The following LSAMP variants were observed in gnomAD, a reference collection of about 807,000 sequenced individuals.
The protein encoded by LSAMP is limbic system-associated membrane protein.
Under a neutral mutation model 38.6 loss-of-function variants are expected in LSAMP, and 7 were observed. The observed-to-expected ratio is 0.18, with a 90% CI of 0.10 to 0.34. LSAMP has a LOEUF of 0.34. Among genes scored for constraint, LSAMP ranks in the 10% least tolerant of loss-of-function variants. LSAMP has a pLI of 1.00. For missense variants in LSAMP, 313 were observed against 420.0 expected, an observed-to-expected ratio of 0.75 and a Z score of 2.23; for synonymous variants, 154 against 166.8, an observed-to-expected ratio of 0.92 and a Z score of 0.59.
At chr3:116,179,650 C>T (rs1364333993) in intron 1 of LSAMP, among the ~76,000 whole-genome samples, 1 of 151,950 alleles carries the variant, frequency 6.6e-6, no homozygotes, top group Non-Finnish European at 1.5e-5. Context: ...GGAGGTGATA[C>T]ACACCTTTAA....
At chr3:116,036,709 T>C (rs796573004) in intron 2 of LSAMP, among the ~76,000 whole-genome samples, 2 of 152,028 alleles carry the variant, frequency 1.3e-5, no homozygotes, top group Non-Finnish European at 2.9e-5. Context: ...AAAGATAATA[T>C]AAGAGTATTA....
chr3:116,188,742 C>T (rs1358871244), intron 1 of LSAMP, among the ~76,000 whole-genome samples: 4 of 152,108 alleles, frequency 2.6e-5, no homozygotes, highest in African/African-American at 7.2e-5. Context: ...TACTATATTG[C>T]GGGAATGGGG....
intron 1 of LSAMP, among the ~76,000 whole-genome samples, chr3:116,157,850 T>C (rs1055897178): frequency 1.3e-4 from 19 of 151,906 alleles, no homozygotes; most frequent in African/African-American, 4.1e-4. Flanking sequence ...CCCTAACTCA[T>C]AGAATGAGAC....
chr3:116,057,239 C>T (rs769688249), intron 2 of LSAMP, among the ~76,000 whole-genome samples: 2 of 152,126 alleles, frequency 1.3e-5, no homozygotes, highest in Non-Finnish European at 2.9e-5. Flanking sequence ...AGGAGAGAAA[C>T]AAGACTGATC....
chr3:116,055,184 A>T (rs766421738), intron 2 of LSAMP, among the ~76,000 whole-genome samples: 14 of 152,200 alleles, frequency 9.2e-5, no homozygotes, highest in Non-Finnish European at 2.1e-4. Flanking sequence ...AATGTGTTAT[A>T]AAAAGAGATT....
intron 1 of LSAMP, among the ~76,000 whole-genome samples, chr3:116,364,217 AACAG>A (rs1418081041): frequency 2.4e-5 from 1 of 41,880 alleles, no homozygotes; most frequent in Non-Finnish European, 3.9e-5. Context: ...ATACACCAAC[AACAG>A]ACAAACAGAG....
intron 1 of LSAMP, among the ~76,000 whole-genome samples, chr3:116,204,878 G>A (rs1356282647): frequency 2.6e-4 from 38 of 143,718 alleles, no homozygotes; most frequent in Middle Eastern, 3.7e-3. Flanking sequence ...TTGCCTTGGC[G>A]ATGAGGGCTC....
At chr3:115,957,105 A>G (rs990445366) in intron 3 of LSAMP, among the ~76,000 whole-genome samples, 4 of 152,240 alleles carry the variant, frequency 2.6e-5, no homozygotes, top group Non-Finnish European at 4.4e-5. Flanking sequence ...TATCTTATGA[A>G]TTTAACTCAA....
At chr3:116,186,703 A>G (rs1469407917) in intron 1 of LSAMP, among the ~76,000 whole-genome samples, 2 of 152,166 alleles carry the variant, frequency 1.3e-5, no homozygotes, top group Non-Finnish European at 2.9e-5. Flanking sequence ...TGCTTCTCAC[A>G]CGATATAATC....
intron 1 of LSAMP, among the ~76,000 whole-genome samples, chr3:116,173,321 C>T (rs1710250206): frequency 6.6e-6 from 1 of 152,010 alleles, no homozygotes; most frequent in Non-Finnish European, 1.5e-5. Flanking sequence ...TTAATTGCTT[C>T]ATCTAAATGT....
rs1379733162 is a variant in LSAMP, at chr3:116,268,677, T to TAAAC, written c.155+176196_155+176199dup. Among the ~76,000 whole-genome samples the TAAAC allele has an allele frequency of 2.7e-4, 26 of 94,820 alleles. 1 individual carries two copies. Among genetic ancestry groups the TAAAC allele is most frequent in the African/African-American group, 8.5e-4 (23 of 26,996 alleles). 62.2% of individuals were successfully genotyped at this position (94,820 alleles called of 152,430 possible). ...TTAAGATTTCCAAAGTGTTTTTGAT[T>TAAAC]AAACAATTTTTTTCTATTTTTCTTT... On this transcript the variant is annotated intron_variant, in intron 1 of 6. Transcript: ENST00000490035.
At chr3:116,378,610 G>T (rs1473795969) in intron 1 of LSAMP, among the ~76,000 whole-genome samples, 1 of 151,870 alleles carries the variant, frequency 6.6e-6, no homozygotes, top group Non-Finnish European at 1.5e-5. Context: ...CTATGTCTTG[G>T]CACTGAAAAT....
In LSAMP at chr3:115,937,298, G is replaced by C. The variant is rs181053259; in HGVS notation, c.514+82217C>G. ...ATAAAGGATATAGTCAATGCAATAA[G>C]ATTTTATATGGATTGTAGTTTAAAA... is the stretch of plus-strand genomic sequence containing the variant. On this transcript the variant is annotated intron_variant, in intron 3 of 6. Coordinates refer to ENST00000490035, the MANE Select transcript of LSAMP (RefSeq NM_002338.5). 1.2e-3 allele frequency among the ~76,000 whole-genome samples: 190 copies of C among 152,230 alleles called. 1 individual carries two copies. Among genetic ancestry groups the C allele is most frequent in the Non-Finnish European group, 3.2e-4 (22 of 68,000 alleles).
chr3:115,844,841 G>A (rs1935104853), intron 4 of LSAMP, among the ~76,000 whole-genome samples: 1 of 152,078 alleles, frequency 6.6e-6, no homozygotes, highest in African/African-American at 2.4e-5. Flanking sequence ...GCCGGGTGTG[G>A]TGGTGTGTAC....
At chr3:116,309,243 G>T (rs952550562) in intron 1 of LSAMP, among the ~76,000 whole-genome samples, 18 of 152,036 alleles carry the variant, frequency 1.2e-4, no homozygotes, top group South Asian at 8.3e-4. Context: ...GACATGCTGA[G>T]GCACAGCTAG....
chr3:115,860,919 G>A (rs1430268656), intron 3 of LSAMP, among the ~76,000 whole-genome samples: 5 of 152,118 alleles, frequency 3.3e-5, no homozygotes, highest in East Asian at 3.9e-4. Context: ...GGGATGTGAC[G>A]GGTGGTTTGA....
At chr3:116,274,471 T>G (rs1183224161) in intron 1 of LSAMP, among the ~76,000 whole-genome samples, 2 of 152,210 alleles carry the variant, frequency 1.3e-5, no homozygotes, top group Non-Finnish European at 2.9e-5. Context: ...TCTTATATCT[T>G]TTTCTAATGC....
chr3:116,346,753 C>G (rs2107760113), intron 1 of LSAMP, among the ~76,000 whole-genome samples: 1 of 152,290 alleles, frequency 6.6e-6, no homozygotes, highest in Admixed American at 6.5e-5. Context: ...TTCAGGCAGG[C>G]CTGAAAATTT....
chr3:116,392,724 C>T (rs528786764), intron 1 of LSAMP, among the ~76,000 whole-genome samples: 6 of 152,272 alleles, frequency 3.9e-5, no homozygotes, highest in South Asian at 4.1e-4. Context: ...GGTGCTTTTC[C>T]CTGGGCCTGC....
Sources: allele counts gnomAD v4.1 joint callset (sites outside exome capture counted in the v4.1 genomes callset), GRCh38; gene constraint gnomAD v4.1.1; transcripts MANE v1.5; gene names NCBI Gene and HGNC (gene_info 2026-07-23, HGNC 2026-07-21).